The following DCLK2 variants were observed in gnomAD, a reference collection of about 807,000 sequenced individuals.
The protein encoded by DCLK2 is serine/threonine-protein kinase DCLK2.
DCLK2 carries 31 observed loss-of-function variants against 78.4 expected under a neutral mutation model. That is an observed-to-expected ratio of 0.40 (90% CI 0.30 to 0.53). DCLK2 has a LOEUF of 0.53. Ranked by LOEUF, DCLK2 falls within the 20% of genes least tolerant of loss-of-function variation. DCLK2 has a pLI of 0.61. For synonymous variants in DCLK2, 407 were observed against 374.9 expected, an observed-to-expected ratio of 1.09 and a Z score of -0.99; for missense variants, 872 against 973.7, an observed-to-expected ratio of 0.90 and a Z score of 1.39.
intron 2 of DCLK2, among the ~76,000 whole-genome samples, chr4:150,150,090 T>C (rs1734784628): frequency 6.6e-6 from 1 of 152,172 alleles, no homozygotes; most frequent in Non-Finnish European, 1.5e-5. Context: ...TTCCAGCATT[T>C]AATGGGAAGT....
chr4:150,126,988 TG>T (rs553487476), intron 2 of DCLK2, among the ~76,000 whole-genome samples: 8 of 152,222 alleles, frequency 5.3e-5, no homozygotes, highest in Non-Finnish European at 1.2e-4. Context: ...GCTTCAATTT[TG>T]GGTTCTCTGG....
intron 10 of DCLK2, among the ~76,000 whole-genome samples, chr4:150,235,699 G>T (rs770001359): frequency 6.6e-6 from 1 of 152,206 alleles, no homozygotes; most frequent in Non-Finnish European, 1.5e-5. Context: ...TCTAGATTTA[G>T]TCAGCAGGTT....
chr4:150,232,550 C>G, intron 9 of DCLK2, 94 bp downstream of exon 9: 1 of 1,543,082 alleles, frequency 6.5e-7, no homozygotes, highest in South Asian at 1.2e-5. Flanking sequence ...TACCTCATAA[C>G]TTTCATTATT....
At chr4:150,080,890 C>T (rs1268913463) in intron 1 of DCLK2, among the ~76,000 whole-genome samples, 1 of 152,148 alleles carries the variant, frequency 6.6e-6, no homozygotes, top group Non-Finnish European at 1.5e-5. Flanking sequence ...CCCATTCTGT[C>T]AGTTGTGTGT....
chr4:150,086,491 A>G lies in DCLK2; in HGVS notation c.421+7043A>G, dbSNP rs902518093. On this transcript the variant is annotated intron_variant, in intron 1 of 15. Coordinates refer to ENST00000296550, the MANE Select transcript of DCLK2 (RefSeq NM_001040260.4). ...AGTTTTCTCTTTGGACAGCTATCACAACCAGATTCTTTTTATTTTTTTTTT... is the reference window on the plus strand; with the variant it reads ...AGTTTTCTCTTTGGACAGCTATCACGACCAGATTCTTTTTATTTTTTTTTT... 4.0e-4 allele frequency among the ~76,000 whole-genome samples: 59 copies of G among 146,616 alleles called. 1 individual carries two copies. Among genetic ancestry groups the G allele is most frequent in the Admixed American group, 3.0e-3 (43 of 14,308 alleles).
In DCLK2 at chr4:150,139,457, C is replaced by T. The variant is rs569830850; in HGVS notation, c.756+36645C>T. On this transcript the variant is annotated intron_variant, in intron 2 of 15. Transcript: ENST00000296550. ...TACCTTTAACTTGATAGCCTGGATT[C>T]AGATGACTGTTCCTTGGTTAGCCAC... 2.0e-5 allele frequency among the ~76,000 whole-genome samples: 3 copies of T among 152,282 alleles called. No homozygotes were observed. In the South Asian group the frequency reaches 6.2e-4, roughly 32 times the overall value.
intron 2 of DCLK2, among the ~76,000 whole-genome samples, chr4:150,138,424 C>T (rs969704826): frequency 6.6e-6 from 1 of 152,168 alleles, no homozygotes; most frequent in South Asian, 2.1e-4. Flanking sequence ...GCCTGGCCAA[C>T]ATGGTGAAAC....
At chr4:150,168,427 T>TA (rs1553963372) in intron 2 of DCLK2, among the ~76,000 whole-genome samples, 1 of 152,128 alleles carries the variant, frequency 6.6e-6, no homozygotes, top group Non-Finnish European at 1.5e-5. Flanking sequence ...CTTCCAAGTG[T>TA]AAAGACTTCC....
intron 15 of DCLK2, among the ~76,000 whole-genome samples, chr4:150,255,455 G>A (rs746167010): frequency 2.0e-5 from 3 of 152,252 alleles, no homozygotes; most frequent in Non-Finnish European, 4.4e-5. Context: ...TTCAGGATAA[G>A]GAAGCTTTGC....
chr4:150,186,889 T>C (rs1194052533), intron 2 of DCLK2, among the ~76,000 whole-genome samples: 1 of 129,546 alleles, frequency 7.7e-6, no homozygotes, highest in Non-Finnish European at 1.7e-5. Flanking sequence ...TGACTCTATC[T>C]CAAAATGTGT....
intron 2 of DCLK2, among the ~76,000 whole-genome samples, chr4:150,149,093 A>G (rs1485932321): frequency 6.6e-6 from 1 of 151,524 alleles, no homozygotes; most frequent in Non-Finnish European, 1.5e-5. Context: ...GAAAGAAAAG[A>G]AAAGAAAGAA....
chr4:150,158,022 C>T (rs1273789545), intron 2 of DCLK2, among the ~76,000 whole-genome samples: 1 of 152,208 alleles, frequency 6.6e-6, no homozygotes, highest in Non-Finnish European at 1.5e-5. Flanking sequence ...GTTTAGCTCC[C>T]TTTATTGTTA....
At chr4:150,249,236 G>C (rs377660423) in intron 14 of DCLK2, among the ~76,000 whole-genome samples, 1 of 152,040 alleles carries the variant, frequency 6.6e-6, no homozygotes, top group Admixed American at 6.5e-5. Context: ...TCCATGGGAG[G>C]GATCATACTA....
At chr4:150,222,179 T>C (rs1741237657) in intron 7 of DCLK2, among the ~76,000 whole-genome samples, 1 of 152,038 alleles carries the variant, frequency 6.6e-6, no homozygotes, top group Admixed American at 6.6e-5. Context: ...GGTCCTAGGC[T>C]CCTTGCTTCA....
At chr4:150,213,399 C>T (rs958686691) in intron 5 of DCLK2, among the ~76,000 whole-genome samples, 4 of 152,178 alleles carry the variant, frequency 2.6e-5, no homozygotes, top group African/African-American at 9.7e-5. Flanking sequence ...GTTTTCATAT[C>T]TCATACTGAA....
intron 2 of DCLK2, among the ~76,000 whole-genome samples, chr4:150,190,278 GATAGATAGATAGATAGATAGGCAGA>G (rs1560851050): frequency 2.6e-4 from 38 of 148,510 alleles, no homozygotes; most frequent in African/African-American, 9.1e-4. Flanking sequence ...TAGATAGATA[GATAGATAGATAGATAGATAGGCAGA>G]CAGACAGACA....
intron 2 of DCLK2, among the ~76,000 whole-genome samples, chr4:150,155,879 T>A (rs953074095): frequency 1.3e-5 from 2 of 152,052 alleles, no homozygotes; most frequent in Non-Finnish European, 2.9e-5. Context: ...AATGAAGTAA[T>A]CTGTACAGAT....
chr4:150,082,952 T>C (rs1729408589), intron 1 of DCLK2, among the ~76,000 whole-genome samples: 1 of 152,230 alleles, frequency 6.6e-6, no homozygotes, highest in African/African-American at 2.4e-5. Context: ...CAAGTCAGGA[T>C]TCCTGAGTTC....
At chr4:150,134,321 AT>A (rs1266888482) in intron 2 of DCLK2, among the ~76,000 whole-genome samples, 1 of 152,020 alleles carries the variant, frequency 6.6e-6, no homozygotes, top group East Asian at 1.9e-4. Context: ...ACCTCAGGTG[AT>A]CCACCTGCCT....
Sources: allele counts gnomAD v4.1 joint callset (sites outside exome capture counted in the v4.1 genomes callset), GRCh38; gene constraint gnomAD v4.1.1; transcripts MANE v1.5; gene names NCBI Gene and HGNC (gene_info 2026-07-23, HGNC 2026-07-21).